The following SLC4A10 variants were observed in gnomAD, a reference collection of about 807,000 sequenced individuals.
SLC4A10 encodes sodium-driven chloride bicarbonate exchanger.
A neutral mutation model predicts 137.7 loss-of-function variants in SLC4A10; 42 were observed. The ratio of observed to expected loss-of-function variants is 0.30; its 90% CI spans 0.24 to 0.39. The LOEUF is 0.39. SLC4A10 is among the 10% of genes least tolerant of loss of function. The probability of loss-of-function intolerance (pLI) is 1.00; values close to 1 mark genes in which losing one functional copy is unlikely to be tolerated. For synonymous variants in SLC4A10, 474 were observed against 464.1 expected (o/e 1.02, Z -0.27); for missense variants, 925 against 1,355.0 (o/e 0.68, Z 4.98).
intron 5 of SLC4A10, among the ~76,000 whole-genome samples, chr2:161,859,594 CTTTTTTTTTTT>C (rs72003642): frequency 2.1e-5 from 1 of 47,280 alleles, no homozygotes; most frequent in Admixed American, 3.5e-4. Context: ...CTTTTCTTTT[CTTTTTTTTTTT>C]TTTTTTTTTT....
At chr2:161,964,592 C>T (rs1038634224) in intron 22 of SLC4A10, among the ~76,000 whole-genome samples, 6 of 152,014 alleles carry the variant, frequency 3.9e-5, no homozygotes, top group Middle Eastern at 3.2e-3. Flanking sequence ...ATTAAAGATA[C>T]TAGCAAATAT....
chr2:161,817,873 G>A (rs2057240964), intron 3 of SLC4A10, among the ~76,000 whole-genome samples: 1 of 151,810 alleles, frequency 6.6e-6, no homozygotes, highest in Non-Finnish European at 1.5e-5. Flanking sequence ...TGCTGTTTTG[G>A]TTACTGTAGC....
At chr2:161,660,817 C>A (rs542123999) in intron 1 of SLC4A10, among the ~76,000 whole-genome samples, 2 of 151,338 alleles carry the variant, frequency 1.3e-5, no homozygotes, top group East Asian at 3.9e-4. Context: ...CCACACCCAG[C>A]TAATTTTTTT....
At chr2:161,757,231 C>T (rs986777855) in intron 1 of SLC4A10, among the ~76,000 whole-genome samples, 2 of 152,140 alleles carry the variant, frequency 1.3e-5, no homozygotes, top group Non-Finnish European at 2.9e-5. Flanking sequence ...TGTAACAAAA[C>T]TGCCCATGTA....
At chr2:161,978,079 G>A (rs1038285640) in intron 26 of SLC4A10, among the ~76,000 whole-genome samples, 1 of 152,100 alleles carries the variant, frequency 6.6e-6, no homozygotes, top group Non-Finnish European at 1.5e-5. Context: ...AATTAAATTT[G>A]TCCCTGTAAG....
At chr2:161,746,153 TGGC>T (rs902125647) in intron 1 of SLC4A10, among the ~76,000 whole-genome samples, 4 of 152,116 alleles carry the variant, frequency 2.6e-5, no homozygotes, top group African/African-American at 7.2e-5. Flanking sequence ...TTCCCAGGAC[TGGC>T]TCTTTCCTTT....
At chr2:161,907,055 CAAAAAAAAAAAA>C (rs556899761) in intron 15 of SLC4A10, among the ~76,000 whole-genome samples, 2 of 90,886 alleles carry the variant, frequency 2.2e-5, no homozygotes, top group Non-Finnish European at 4.7e-5. Context: ...GACTCCGTCT[CAAAAAAAAAAAA>C]AAAAAAAAAA....
chr2:161,781,987 A>C (rs2053080298), intron 2 of SLC4A10, among the ~76,000 whole-genome samples: 1 of 152,052 alleles, frequency 6.6e-6, no homozygotes, highest in Non-Finnish European at 1.5e-5. Flanking sequence ...GGGGCTACCC[A>C]AAGGACTGGC....
chr2:161,732,918 A>G (rs1001983962), intron 1 of SLC4A10, among the ~76,000 whole-genome samples: 3 of 152,140 alleles, frequency 2.0e-5, no homozygotes, highest in Non-Finnish European at 4.4e-5. Flanking sequence ...TGCCCTAGTG[A>G]TTTCTGAAAC....
intron 6 of SLC4A10, among the ~76,000 whole-genome samples, chr2:161,864,751 A>G (rs1233569348): frequency 1.3e-5 from 2 of 152,148 alleles, no homozygotes; most frequent in African/African-American, 4.8e-5. Flanking sequence ...ACATATTTAT[A>G]TTCTAAATCA....
At chr2:161,794,375 A>G (rs955947876) in intron 2 of SLC4A10, among the ~76,000 whole-genome samples, 2 of 152,172 alleles carry the variant, frequency 1.3e-5, no homozygotes, top group African/African-American at 4.8e-5. Context: ...GGTGGATCTT[A>G]TGTTGTATTC....
At chr2:161,636,692 C>T (rs2034446244) in intron 1 of SLC4A10, among the ~76,000 whole-genome samples, 1 of 151,166 alleles carries the variant, frequency 6.6e-6, no homozygotes, top group South Asian at 2.1e-4. Context: ...CACGCCTGAC[C>T]TTTTTATTTT....
chr2:161,809,971 A>G (rs2056381732), intron 3 of SLC4A10, among the ~76,000 whole-genome samples: 1 of 152,090 alleles, frequency 6.6e-6, no homozygotes, highest in African/African-American at 2.4e-5. Context: ...TTTGGGCAGT[A>G]TGGCCATTTT....
chr2:161,648,073 C>T (rs1391161249), intron 1 of SLC4A10, among the ~76,000 whole-genome samples: 1 of 152,176 alleles, frequency 6.6e-6, no homozygotes, highest in Non-Finnish European at 1.5e-5. Flanking sequence ...ATTAAGGCAG[C>T]AGCATTATTT....
chr2:161,707,272 G>A (rs1443392062), intron 1 of SLC4A10, among the ~76,000 whole-genome samples: 1 of 151,404 alleles, frequency 6.6e-6, no homozygotes, highest in African/African-American at 2.4e-5. Context: ...GATCAGCCCA[G>A]TTTCTTAAGA....
chr2:161,840,502 G>T (rs1049546450), intron 4 of SLC4A10, among the ~76,000 whole-genome samples: 1 of 152,110 alleles, frequency 6.6e-6, no homozygotes, highest in African/African-American at 2.4e-5. Context: ...GTTCTGTAAA[G>T]TTGGAATTAA....
rs1367646507 is a variant in SLC4A10, at chr2:161,964,268, T to C, written c.2996T>C (p.Ile999Thr). The C allele has an allele frequency of 6.2e-7, 1 of 1,613,518 alleles. No individual in the cohort carries two copies. Among genetic ancestry groups the C allele is most frequent in the African/African-American group, 1.3e-5 (1 of 74,922 alleles). The change falls in exon 22 of 27, where the codon ATA becomes ACA. Residue 999 changes from isoleucine (I) to threonine (T), a missense_variant. Physicochemically the swap from Ile to Thr is moderately conservative, Grantham distance 89. Transcript: ENST00000446997. ...ATGAGTTGCCTTGGCCTTTTGTGGA[T>C]AATAAAAGTTTCAAGAGCTGCTATT... Reference protein sequence around the residue: ...IQMSCLGLLWIIKVSRAAIVF... With the variant: ...IQMSCLGLLWTIKVSRAAIVF...
intron 15 of SLC4A10, among the ~76,000 whole-genome samples, chr2:161,939,789 A>G (rs1343605847): frequency 6.6e-6 from 1 of 152,130 alleles, no homozygotes; most frequent in Non-Finnish European, 1.5e-5. Context: ...TATAGAATGT[A>G]AAAATATAGA....
intron 10 of SLC4A10, among the ~76,000 whole-genome samples, chr2:161,890,545 G>A (rs1426952843): frequency 6.6e-6 from 1 of 152,134 alleles, no homozygotes; most frequent in Non-Finnish European, 1.5e-5. Context: ...ATTAGGTAAT[G>A]CCCTTCTTTG....
Sources: gnomAD v4.1 joint callset for allele counts (sites outside exome capture counted in the v4.1 genomes callset) on GRCh38, gnomAD v4.1.1 for gene constraint, MANE v1.5 for transcripts, NCBI Gene and HGNC (gene_info 2026-07-23, HGNC 2026-07-21) for gene names.